KIRREL3: variants seen among roughly 807,000 people sequenced by gnomAD.
KIRREL3 encodes kin of IRRE-like protein 3.
KIRREL3 carries 36 observed loss-of-function variants against 89.7 expected under a neutral mutation model. The ratio of observed to expected loss-of-function variants is 0.40; its 90% CI spans 0.31 to 0.53. KIRREL3 has a LOEUF of 0.53. Ranked by LOEUF, KIRREL3 falls within the 20% of genes least tolerant of loss-of-function variation. The pLI is 0.49. For missense variants in KIRREL3, 864 were observed against 1,056.6 expected (o/e 0.82, Z 2.53); for synonymous variants, 445 against 441.4 (o/e 1.01, Z -0.10).
At chr11:126,616,343 C>T (rs925111842) in intron 1 of KIRREL3, among the ~76,000 whole-genome samples, 1 of 152,084 alleles carries the variant, frequency 6.6e-6, no homozygotes, top group African/African-American at 2.4e-5. Context: ...GGGTGCACAG[C>T]CTGACAAGCT....
In KIRREL3 at chr11:126,778,060, A is replaced by AT. The variant is rs1555193485; in HGVS notation, c.56-215149_56-215148insA. 1.3e-5 allele frequency among the ~76,000 whole-genome samples: 2 copies of AT among 151,582 alleles called. No individual in the cohort carries two copies. The highest frequency in any genetic ancestry group is 2.9e-5 in the Non-Finnish European group (2 of 67,916). ...GCTCATTGTAGAAAAAAAAAAAAAAAGAAAAACTATAGACAATCCAAAAGA... is the reference window on the plus strand; with the variant it reads ...GCTCATTGTAGAAAAAAAAAAAAAAATGAAAAACTATAGACAATCCAAAAGA... On this transcript the variant is annotated intron_variant, in intron 1 of 16. Coordinates refer to ENST00000525144, the MANE Select transcript of KIRREL3 (RefSeq NM_032531.4). This position sits in a 1 kb window ranked among gnomAD's most constrained non-coding sequence, Gnocchi z 4.5.
chr11:126,517,304 GT>G (rs1958448809), intron 4 of KIRREL3, among the ~76,000 whole-genome samples: 1 of 152,206 alleles, frequency 6.6e-6, no homozygotes, highest in African/African-American at 2.4e-5. Flanking sequence ...AAGAGGCCCA[GT>G]TCCAGCCTTA....
At chr11:126,509,641 A>G (rs906045435) in intron 4 of KIRREL3, among the ~76,000 whole-genome samples, 10 of 152,236 alleles carry the variant, frequency 6.6e-5, no homozygotes, top group African/African-American at 1.7e-4. Context: ...ACAGCTTCCA[A>G]CTATCTGTCA....
intron 1 of KIRREL3, among the ~76,000 whole-genome samples, chr11:126,672,012 G>A (rs1370516741): frequency 6.6e-6 from 1 of 152,152 alleles, no homozygotes; most frequent in Non-Finnish European, 1.5e-5. Flanking sequence ...CATCAAAACT[G>A]GAAGCAACAA....
chr11:126,898,950 C>T lies in KIRREL3; in HGVS notation c.55+101505G>A, dbSNP rs1283645606. Among the ~76,000 whole-genome samples, 4 of 151,910 alleles carry T rather than the reference C, an allele frequency of 2.6e-5. No individual in the cohort carries two copies. Among genetic ancestry groups the T allele is most frequent in the South Asian group, 2.1e-4 (1 of 4,814 alleles). On this transcript the variant is annotated intron_variant, in intron 1 of 16. Transcript: ENST00000525144. The surrounding 1 kb of genome is among the most constrained non-coding windows in gnomAD (Gnocchi z 4.9). ...CAACTGTCCTCCAAACCTCCTTTAT[C>T]CTCTTGAACAATCAGAGGGGGATGC...
chr11:126,456,502 A>G, intron 6 of KIRREL3, 48 bp from the exon 7 acceptor site: 1 of 1,269,318 alleles, frequency 7.9e-7, no homozygotes, highest in Non-Finnish European at 1.1e-6. Flanking sequence ...GAATGGGGGC[A>G]GGGAGATCCT....
intron 1 of KIRREL3, among the ~76,000 whole-genome samples, chr11:126,942,604 C>T (rs973859908): frequency 6.6e-6 from 1 of 152,214 alleles, no homozygotes; most frequent in Non-Finnish European, 1.5e-5. Flanking sequence ...GACAGGAAAG[C>T]AACTGCATTT....
intron 15 of KIRREL3, among the ~76,000 whole-genome samples, chr11:126,426,228 A>T (rs1376907540): frequency 6.6e-6 from 1 of 152,222 alleles, no homozygotes; most frequent in Non-Finnish European, 1.5e-5. Flanking sequence ...GTGCAGGCCT[A>T]GTGCAGGCCT....
rs1946675373 is a variant in KIRREL3 at position 126,908,501 on chromosome 11, G to A, written c.55+91954C>T. ...GACAATAATAGTGACTTCTTCACAG[G>A]GTTGTTGTAAAGGTTAATTGTAATT... On this transcript the variant is annotated intron_variant, in intron 1 of 16. Coordinates refer to ENST00000525144, the MANE Select transcript of KIRREL3 (RefSeq NM_032531.4). This position sits in a 1 kb window ranked among gnomAD's most constrained non-coding sequence, Gnocchi z 4.2. 6.6e-6 allele frequency among the ~76,000 whole-genome samples: 1 copy of A among 152,096 alleles called. No homozygotes were observed. Among genetic ancestry groups the A allele is most frequent in the African/African-American group, 2.4e-5 (1 of 41,386 alleles).
At chr11:126,457,856 A>G (rs1329239428) in intron 6 of KIRREL3, among the ~76,000 whole-genome samples, 6 of 152,166 alleles carry the variant, frequency 3.9e-5, no homozygotes, top group Admixed American at 2.6e-4. Context: ...CAGACGCTGC[A>G]AGATGGAAAG....
Position 126,578,035 on chromosome 11 carries a change from G to A in KIRREL3, c.56-15123C>T, listed in dbSNP as rs1264247576. Among the ~76,000 whole-genome samples, 1 of 152,112 alleles carries A rather than the reference G, an allele frequency of 6.6e-6. No individual in the cohort carries two copies. The highest frequency in any genetic ancestry group is 2.4e-5 in the African/African-American group (1 of 41,430). Reference sequence around the variant, plus strand: ...TTGGAAGCTGTGGTTTTCATTTTTGGAGAGTTTAAATAATTTTAGAGTTCT... The same window carrying A: ...TTGGAAGCTGTGGTTTTCATTTTTGAAGAGTTTAAATAATTTTAGAGTTCT... On this transcript the variant is annotated intron_variant, in intron 1 of 16. Coordinates refer to ENST00000525144, the MANE Select transcript of KIRREL3 (RefSeq NM_032531.4). The surrounding 1 kb of genome is among the most constrained non-coding windows in gnomAD (Gnocchi z 4.9).
chr11:126,767,381 T>C (rs914331150), intron 1 of KIRREL3, among the ~76,000 whole-genome samples: 1 of 152,168 alleles, frequency 6.6e-6, no homozygotes, highest in African/African-American at 2.4e-5. Context: ...CCTGAGCTCT[T>C]GCCTCAGTTG....
intron 1 of KIRREL3, among the ~76,000 whole-genome samples, chr11:126,743,103 A>G (rs1387749874): frequency 6.6e-6 from 1 of 152,200 alleles, no homozygotes; most frequent in Non-Finnish European, 1.5e-5. Flanking sequence ...TTTCTGCCCA[A>G]TGTTAGTATT....
chr11:126,810,796 C>T (rs1362552941), intron 1 of KIRREL3, among the ~76,000 whole-genome samples: 4 of 152,200 alleles, frequency 2.6e-5, no homozygotes, highest in African/African-American at 9.6e-5. Context: ...TCTGAAACAC[C>T]AAATCGATCA....
intron 1 of KIRREL3, among the ~76,000 whole-genome samples, chr11:126,799,848 GAAGTAACTGAGC>G (rs1233843349): frequency 6.6e-6 from 1 of 152,192 alleles, no homozygotes; most frequent in Non-Finnish European, 1.5e-5. Context: ...AGGGATTGGG[GAAGTAACTGAGC>G]AAATACACCT....
chr11:126,881,737 G>A (rs1385542664), intron 1 of KIRREL3, among the ~76,000 whole-genome samples: 3 of 152,100 alleles, frequency 2.0e-5, no homozygotes, highest in African/African-American at 7.2e-5. Flanking sequence ...TAGTAGAGAT[G>A]GGGTTTCACC....
At chr11:126,481,010 A>G (rs1284101868) in intron 4 of KIRREL3, among the ~76,000 whole-genome samples, 1 of 152,182 alleles carries the variant, frequency 6.6e-6, no homozygotes, top group Non-Finnish European at 1.5e-5. Context: ...TAGCCGAACA[A>G]TGTTTGGAGA....
chr11:126,732,044 T>C (rs1948636723), intron 1 of KIRREL3, among the ~76,000 whole-genome samples: 2 of 152,184 alleles, frequency 1.3e-5, no homozygotes, highest in African/African-American at 2.4e-5. Context: ...GCTTCTCTGC[T>C]GGTTTCCAGC....
intron 1 of KIRREL3, among the ~76,000 whole-genome samples, chr11:126,706,140 A>C: frequency 6.6e-6 from 1 of 152,188 alleles, no homozygotes. Flanking sequence ...GAACCACTCA[A>C]CTGAACATTG....
Sources: allele counts gnomAD v4.1 joint callset (sites outside exome capture counted in the v4.1 genomes callset), GRCh38; gene constraint gnomAD v4.1.1; non-coding constraint Gnocchi (gnomAD v3.1); transcripts MANE v1.5; gene names NCBI Gene and HGNC (gene_info 2026-07-23, HGNC 2026-07-21).